MYOC: variants seen among roughly 807,000 people sequenced by gnomAD.
MYOC encodes the protein juvenile-onset open-angle glaucoma 1.
MYOC carries 29 observed loss-of-function variants against 28.2 expected under a neutral mutation model. The ratio of observed to expected loss-of-function variants is 1.03; its 90% CI spans 0.77 to 1.40. The LOEUF (loss-of-function observed/expected upper bound fraction) is 1.40. Among genes scored for constraint, MYOC ranks in the 40% most tolerant of loss-of-function variants. The pLI is 0.00. For synonymous variants in MYOC, 240 were observed against 245.6 expected, an observed-to-expected ratio of 0.98 and a Z score of 0.21; for missense variants, 569 against 620.6, an observed-to-expected ratio of 0.92 and a Z score of 0.88.
chr1:171,647,302 G>A (rs1422405382), intron 1 of MYOC, among the ~76,000 whole-genome samples: 1 of 152,056 alleles, frequency 6.6e-6, no homozygotes, highest in African/African-American at 2.4e-5. Flanking sequence ...GAGGCGGGTG[G>A]ATCACGAGGT....
Position 171,636,092 on chromosome 1 carries a change from T to C in MYOC, c.1348A>G (p.Asn450Asp). 6.2e-7 allele frequency: 1 copy of C among 1,614,210 alleles called. No individual in the cohort carries two copies. The highest frequency in any genetic ancestry group is 1.1e-5 in the South Asian group (1 of 91,080). Residue 450 changes from asparagine to aspartate, a missense_variant, in exon 3 of 3, where the codon AAC (asparagine) becomes GAC (aspartate). Asn to Asp is a conservative substitution (Grantham distance 23). Transcript: ENST00000037502. ...CCTGTGCCTGTGTCATAAGCAAAGT[T>C]GACGGTAGCATCTGCTGAGGTGTAG... ...SSYTSADATVNFAYDTGTGIS... is the reference protein window; with the variant it reads ...SSYTSADATVDFAYDTGTGIS...
At chr1:171,642,386 C>T (rs1653095410) in intron 1 of MYOC, among the ~76,000 whole-genome samples, 1 of 152,054 alleles carries the variant, frequency 6.6e-6, no homozygotes, top group African/African-American at 2.4e-5. Flanking sequence ...GCCGAGGTGG[C>T]AGGATTGCAT....
rs1420573642 is a variant in MYOC, at chr1:171,652,494, C to T, written c.118G>A (p.Ala40Thr). 1.2e-6 allele frequency: 2 copies of T among 1,614,194 alleles called. No individual in the cohort carries two copies. Among genetic ancestry groups the T allele is most frequent in the Non-Finnish European group, 1.7e-6 (2 of 1,180,032 alleles). Residue 40 changes from alanine (A) to threonine (T), a missense_variant, in exon 1 of 3, where the codon GCC becomes ACC. Coordinates refer to ENST00000037502, the MANE Select transcript of MYOC (RefSeq NM_000261.2). ...VGARTAQLRK[A>T]NDQSGRCQYT... ...TGGCATCGGCCACTCTGGTCATTGG[C>T]CTTCCTGAGCTGAGCTGTCCTGGCC... is the stretch of plus-strand genomic sequence containing the variant.
intron 1 of MYOC, among the ~76,000 whole-genome samples, chr1:171,641,064 C>A (rs1411194789): frequency 6.6e-6 from 1 of 152,082 alleles, no homozygotes; most frequent in Non-Finnish European, 1.5e-5. Flanking sequence ...GGGTGTTGTG[C>A]GTGCTGATGC....
At chr1:171,649,166 A>T (rs1332109072) in intron 1 of MYOC, among the ~76,000 whole-genome samples, 2 of 152,174 alleles carry the variant, frequency 1.3e-5, no homozygotes, top group African/African-American at 4.8e-5. Flanking sequence ...TTCTATGATT[A>T]TAAGGAATTT....
At chr1:171,649,998 C>T (rs1653315168) in intron 1 of MYOC, among the ~76,000 whole-genome samples, 1 of 152,068 alleles carries the variant, frequency 6.6e-6, no homozygotes, top group Non-Finnish European at 1.5e-5. Context: ...ATTTCCTGCT[C>T]ATGAAAAACA....
At chr1:171,639,543 G>T (rs1000051182) in intron 1 of MYOC, among the ~76,000 whole-genome samples, 3 of 151,040 alleles carry the variant, frequency 2.0e-5, no homozygotes, top group African/African-American at 7.3e-5. Context: ...TACTTGGGAG[G>T]CTGATGTGGG....
intron 1 of MYOC, among the ~76,000 whole-genome samples, chr1:171,642,846 G>A (rs1653109023): frequency 7.0e-6 from 1 of 143,536 alleles, no homozygotes; most frequent in African/African-American, 2.6e-5. Context: ...AAGAAAAAAA[G>A]GTGTCTAAGA....
Position 171,639,946 on chromosome 1 carries a change from G to GAAAAAAAAAAAA in MYOC, c.605-1236_605-1225dup, listed in dbSNP as rs1175117891. Among the ~76,000 whole-genome samples, 10 of 46,980 alleles carry GAAAAAAAAAAAA rather than the reference G, an allele frequency of 2.1e-4. 2 individuals are homozygous for GAAAAAAAAAAAA. Among genetic ancestry groups the GAAAAAAAAAAAA allele is most frequent in the Admixed American group, 1.1e-3 (3 of 2,720 alleles). 30.8% of individuals were successfully genotyped at this position (46,980 alleles called of 152,430 possible). ...GCAACAGAGCAAGACTCTGTCTCAAGAAAAAAAAAAAAAAAAAAAAAAAAA... is the reference window on the plus strand; with the variant it reads ...GCAACAGAGCAAGACTCTGTCTCAAGAAAAAAAAAAAAAAAAAAAAAAAAAAAAAAAAAAAAA... On this transcript the variant is annotated intron_variant, in intron 1 of 2. Coordinates refer to ENST00000037502, the MANE Select transcript of MYOC (RefSeq NM_000261.2).
At position 171,636,106 on chromosome 1, in the gene MYOC, G is replaced by T; in HGVS notation, c.1334C>A (p.Ala445Glu). Residue 445 changes from alanine (A) to glutamate (E), a missense_variant, in exon 3 of 3, where the codon GCA (alanine) becomes GAA (glutamate). Ala to Glu is a moderately radical substitution (Grantham distance 107, BLOSUM62 -1). Coordinates refer to ENST00000037502, the MANE Select transcript of MYOC (RefSeq NM_000261.2). ...ATAAGCAAAGTTGACGGTAGCATCT[G>T]CTGAGGTGTAGCTGCTGACGGTGTA... ...TLYTVSSYTS[A>E]DATVNFAYDT... 1.2e-6 allele frequency: 2 copies of T among 1,614,210 alleles called. No individual in the cohort carries two copies. Among genetic ancestry groups the T allele is most frequent in the Non-Finnish European group, 1.7e-6 (2 of 1,180,044 alleles).
At position 171,636,188 on chromosome 1, in the gene MYOC, C is replaced by T. The variant is rs780876895; in HGVS notation, c.1252G>A (p.Glu418Lys). 4 of 1,614,120 alleles carry T rather than the reference C, an allele frequency of 2.5e-6. No homozygotes were observed. Among genetic ancestry groups the T allele is most frequent in the South Asian group, 1.1e-5 (1 of 91,072 alleles). Reference sequence around the variant, plus strand: ...ACTGACTGCTTACGGATGTTTGTCTCCCAGGTTTGTTCGAGTTCCAGATTC... The same window carrying T: ...ACTGACTGCTTACGGATGTTTGTCTTCCAGGTTTGTTCGAGTTCCAGATTC... Reference protein sequence around the residue: ...PENLELEQTWETNIRKQSVAN... With the variant: ...PENLELEQTWKTNIRKQSVAN... The change falls in exon 3 of 3, where the codon GAG becomes AAG. Residue 418 changes from glutamate (E) to lysine (K), a missense_variant. Glu to Lys is a moderately conservative substitution (Grantham distance 56, BLOSUM62 1). Transcript: ENST00000037502.
chr1:171,649,447 C>A (rs1202060784), intron 1 of MYOC, among the ~76,000 whole-genome samples: 1 of 152,178 alleles, frequency 6.6e-6, no homozygotes. Flanking sequence ...ACCTTTCTGT[C>A]TTTTACCTTT....
chr1:171,648,866 T>C (rs1030750777), intron 1 of MYOC, among the ~76,000 whole-genome samples: 15 of 150,684 alleles, frequency 1.0e-4, no homozygotes, highest in Admixed American at 5.9e-4. Flanking sequence ...TTTGTATTTT[T>C]AGTAGAGACA....
At position 171,636,304 on chromosome 1, in the gene MYOC, A is replaced by T; in HGVS notation, c.1136T>A (p.Ile379Asn). 6.2e-7 allele frequency: 1 copy of T among 1,613,950 alleles called. No individual in the cohort carries two copies. Among genetic ancestry groups the T allele is most frequent in the Non-Finnish European group, 8.5e-7 (1 of 1,179,996 alleles). ...FPYSWGGYTDIDLAVDEAGLW... is the reference protein window; with the variant it reads ...FPYSWGGYTDNDLAVDEAGLW... ...GCCTGCTTCATCCACAGCCAAGTCA[A>T]TGTCCGTGTAGCCACCCCAAGAATA... is the stretch of plus-strand genomic sequence containing the variant. The change falls in exon 3 of 3, where the codon ATT becomes AAT. Residue 379 changes from isoleucine (I) to asparagine (N), a missense_variant. By Grantham distance (149) the Ile-to-Asn change is moderately radical. Transcript: ENST00000037502.
chr1:171,649,809 G>A (rs171006), intron 1 of MYOC, among the ~76,000 whole-genome samples: 62,972 of 151,848 alleles, frequency 0.41, 13,483 homozygotes, highest in East Asian at 0.54. Flanking sequence ...AAAAAAGAAA[G>A]AAAGTCACTG....
chr1:171,645,208 C>T (rs1178182250), intron 1 of MYOC, among the ~76,000 whole-genome samples: 1 of 152,162 alleles, frequency 6.6e-6, no homozygotes, highest in East Asian at 1.9e-4. Flanking sequence ...ACCCCAGCCA[C>T]GGACCCAGAG....
At chr1:171,646,491 T>C (rs1018745375) in intron 1 of MYOC, among the ~76,000 whole-genome samples, 3 of 136,162 alleles carry the variant, frequency 2.2e-5, no homozygotes, top group Non-Finnish European at 4.7e-5. Flanking sequence ...TTTTTAAGGT[T>C]TTTTTTTTTG....
At chr1:171,651,375 G>A (rs1653347945) in intron 1 of MYOC, among the ~76,000 whole-genome samples, 1 of 139,536 alleles carries the variant, frequency 7.2e-6, no homozygotes, top group Admixed American at 7.9e-5. Flanking sequence ...CTCACCTTTA[G>A]GCAAGAAGGG....
chr1:171,637,222 T>C (rs934913705), intron 2 of MYOC, among the ~76,000 whole-genome samples: 1 of 152,196 alleles, frequency 6.6e-6, no homozygotes, highest in Non-Finnish European at 1.5e-5. Context: ...ATTGTATTAC[T>C]TATTGTGACT....
Sources: gnomAD v4.1 joint callset for allele counts (sites outside exome capture counted in the v4.1 genomes callset) on GRCh38, gnomAD v4.1.1 for gene constraint, MANE v1.5 for transcripts, NCBI Gene and HGNC (gene_info 2026-07-23, HGNC 2026-07-21) for gene names.